Variants in LRRC7 observed in about 807,000 individuals in gnomAD.
The protein encoded by LRRC7 is leucine rich repeat containing 7.
LRRC7 carries 23 observed loss-of-function variants against 175.7 expected under a neutral mutation model. The ratio of observed to expected loss-of-function variants is 0.13; its 90% confidence interval spans 0.09 to 0.19. The LOEUF (loss-of-function observed/expected upper bound fraction) is 0.19. LRRC7 is among the 10% of genes least tolerant of loss of function. LRRC7 has a pLI of 1.00. For synonymous variants in LRRC7, 685 were observed against 680.9 expected (o/e 1.01, Z -0.09); for missense variants, 1,354 against 1,904.7 (o/e 0.71, Z 5.38).
intron 2 of LRRC7, among the ~76,000 whole-genome samples, chr1:69,693,542 T>C (rs1662174572): frequency 1.3e-5 from 2 of 152,250 alleles, no homozygotes; most frequent in African/African-American, 4.8e-5. Flanking sequence ...TATAGAAAGG[T>C]TGGTCTTTTT....
In LRRC7 at chr1:69,679,940, T is replaced by A. The variant is rs564680008; in HGVS notation, c.100+1462T>A. Reference sequence around the variant, plus strand: ...CAATTGTATTGAAACACAGCCATCATTTATTTATTGTATATTATGCACAAC... The same window carrying A: ...CAATTGTATTGAAACACAGCCATCAATTATTTATTGTATATTATGCACAAC... On this transcript the variant is annotated intron_variant, in intron 2 of 26. Transcript: ENST00000651989. Among the ~76,000 whole-genome samples the A allele has an allele frequency of 4.6e-5, 7 of 152,260 alleles. No individual in the cohort carries two copies. The South Asian group carries it at 1.4e-3, about 32-fold the overall frequency.
intron 2 of LRRC7, among the ~76,000 whole-genome samples, chr1:69,679,661 G>A (rs1660227151): frequency 6.6e-6 from 1 of 152,054 alleles, no homozygotes; most frequent in Non-Finnish European, 1.5e-5. Context: ...ATTTCTGTTG[G>A]GTTTATAGAA....
chr1:69,860,195 C>A (rs990813154), intron 7 of LRRC7, among the ~76,000 whole-genome samples: 6 of 151,952 alleles, frequency 3.9e-5, no homozygotes, highest in Admixed American at 6.6e-5. Context: ...AAAGAGTCAG[C>A]TGGCATTGTA....
intron 1 of LRRC7, among the ~76,000 whole-genome samples, chr1:69,674,394 A>C (rs1659508301): frequency 6.6e-6 from 1 of 152,158 alleles, no homozygotes; most frequent in African/African-American, 2.4e-5. Flanking sequence ...TCATCTTTAA[A>C]ATATTCTTTC....
chr1:69,771,766 C>T (rs1368349690), intron 3 of LRRC7, among the ~76,000 whole-genome samples: 1 of 152,100 alleles, frequency 6.6e-6, no homozygotes, highest in Non-Finnish European at 1.5e-5. Flanking sequence ...CCAAAAGGAG[C>T]ATGTAAATCA....
At chr1:69,997,978 G>A (rs532339700) in intron 11 of LRRC7, among the ~76,000 whole-genome samples, 3 of 152,158 alleles carry the variant, frequency 2.0e-5, no homozygotes, top group East Asian at 1.9e-4. Context: ...AAGGAATGGT[G>A]CCAGTTCCTC....
At chr1:69,779,160 T>C (rs551497402) in intron 3 of LRRC7, among the ~76,000 whole-genome samples, 1 of 152,196 alleles carries the variant, frequency 6.6e-6, no homozygotes, top group African/African-American at 2.4e-5. Context: ...CAGTAGTTTT[T>C]TATATGTCAA....
At chr1:69,591,671 T>A (rs1180803810) in intron 1 of LRRC7, among the ~76,000 whole-genome samples, 2 of 152,074 alleles carry the variant, frequency 1.3e-5, no homozygotes, top group African/African-American at 4.8e-5. Context: ...TATCTGGAAA[T>A]TCACCAGAAA....
chr1:69,781,702 A>G (rs1343406917), intron 3 of LRRC7, among the ~76,000 whole-genome samples: 10 of 25,394 alleles, frequency 3.9e-4, no homozygotes, highest in African/African-American at 2.3e-3. Context: ...AAAGAAAGAA[A>G]GAAAGAAAGA....
chr1:69,932,516 C>T (rs917550922), intron 8 of LRRC7, among the ~76,000 whole-genome samples: 1 of 152,160 alleles, frequency 6.6e-6, no homozygotes, highest in African/African-American at 2.4e-5. Context: ...AAGGGTTTAA[C>T]TCACACTGTA....
rs2102030484 is a variant in LRRC7, at chr1:70,039,728, G to T, written c.3904G>T (p.Gly1302Cys). ...PTPVKGEESC[G>C]KMPADWRQQL... ...TCCTGTGAAGGGAGAGGAGAGCTGT[G>T]GTAAAATGCCTGCAGACTGGAGACA... Residue 1302 changes from glycine (G) to cysteine (C), a missense_variant, in exon 21 of 27, where the codon GGT becomes TGT. Coordinates refer to ENST00000651989, the MANE Select transcript of LRRC7 (RefSeq NM_001370785.2). 1 of 1,613,592 alleles carries T rather than the reference G, an allele frequency of 6.2e-7. No homozygotes were observed. Among genetic ancestry groups the T allele is most frequent in the Non-Finnish European group, 8.5e-7 (1 of 1,179,802 alleles).
intron 11 of LRRC7, among the ~76,000 whole-genome samples, chr1:69,999,095 C>G (rs1407485890): frequency 6.6e-6 from 1 of 152,186 alleles, no homozygotes; most frequent in Admixed American, 6.5e-5. Context: ...TACAGTCAGT[C>G]TTAGTTTCTA....
At chr1:69,675,263 T>C (rs957768602) in intron 1 of LRRC7, among the ~76,000 whole-genome samples, 3 of 152,196 alleles carry the variant, frequency 2.0e-5, no homozygotes, top group African/African-American at 7.2e-5. Context: ...TGGATACCAA[T>C]AGTAATCGTT....
At chr1:69,714,982 C>T (rs976933280) in intron 2 of LRRC7, among the ~76,000 whole-genome samples, 9 of 152,290 alleles carry the variant, frequency 5.9e-5, no homozygotes, top group Non-Finnish European at 1.2e-4. Flanking sequence ...ACATAATCTT[C>T]AGCATTTTAT....
chr1:69,819,689 C>T (rs570117388), intron 4 of LRRC7, among the ~76,000 whole-genome samples: 1 of 150,220 alleles, frequency 6.7e-6, no homozygotes, highest in Non-Finnish European at 1.5e-5. Flanking sequence ...TTCATTTCTC[C>T]TTTCAGTCTG....
At chr1:70,074,210 A>G (rs909064263) in intron 23 of LRRC7, among the ~76,000 whole-genome samples, 2 of 152,102 alleles carry the variant, frequency 1.3e-5, no homozygotes, top group Non-Finnish European at 2.9e-5. Flanking sequence ...TGCCAAAAAA[A>G]AAAAAAAAAT....
intron 3 of LRRC7, among the ~76,000 whole-genome samples, chr1:69,778,055 A>AGTGTTCCTGAAACACAAAGCTTTTCTTG (rs1673016108): frequency 2.0e-5 from 3 of 152,136 alleles, no homozygotes; most frequent in Non-Finnish European, 2.9e-5. Context: ...TCTCTTAGGA[A>AGTGTTCCTGAAACACAAAGCTTTTCTTG]GTGTTCCTGA....
intron 7 of LRRC7, chr1:69,875,151 C>A (rs1389519238): frequency 6.6e-6 from 1 of 151,970 alleles, no homozygotes; most frequent in Non-Finnish European, 1.5e-5. Flanking sequence ...TTAAAACATT[C>A]TATGTGAAAG....
At chr1:69,621,006 G>A (rs1650473806) in intron 1 of LRRC7, among the ~76,000 whole-genome samples, 1 of 150,984 alleles carries the variant, frequency 6.6e-6, no homozygotes, top group South Asian at 2.1e-4. Flanking sequence ...CCTTTTCTCT[G>A]TTCTTTCTAC....
Sources: allele counts gnomAD v4.1 joint callset (sites outside exome capture counted in the v4.1 genomes callset), GRCh38; gene constraint gnomAD v4.1.1; transcripts MANE v1.5; gene names NCBI Gene and HGNC (gene_info 2026-07-23, HGNC 2026-07-21).